ANKDD1A: variants seen among roughly 807,000 people sequenced by gnomAD.
ANKDD1A encodes ankyrin repeat and death domain containing 1A.
A neutral mutation model predicts 63.5 loss-of-function variants in ANKDD1A; 59 were observed. That is an observed-to-expected ratio of 0.93 (90% confidence interval 0.75 to 1.15). The LOEUF is 1.15. ANKDD1A is among the 50% of genes most tolerant of loss of function. The pLI is 0.00. For synonymous variants in ANKDD1A, 266 were observed against 263.9 expected (o/e 1.01, Z -0.08); for missense variants, 632 against 656.4 (o/e 0.96, Z 0.41).
chr15:64,926,145 ATG>A lies in ANKDD1A; in HGVS notation c.449_450del (p.Val150GlyfsTer18). On this transcript the variant is annotated frameshift_variant, in exon 5 of 15. Transcript: ENST00000319580. LOFTEE classifies it high-confidence loss of function. ...GCGTTCATAATGGAGGACCTGGAGG[ATG>A]TGGCCCTGGACCACGTAGACAAGGT... 1 of 1,613,942 alleles carries A rather than the reference ATG, an allele frequency of 6.2e-7. No homozygotes were observed. The highest frequency in any genetic ancestry group is 8.5e-7 in the Non-Finnish European group (1 of 1,179,946).
In ANKDD1A at chr15:64,950,597, C is replaced by T. The variant is rs570818992; in HGVS notation, c.1483+625C>T. 3 of 985,402 alleles carry T rather than the reference C, an allele frequency of 3.0e-6. 1 individual carries two copies. The South Asian group carries it at 1.4e-4, about 46-fold the overall frequency. 61.0% of individuals were successfully genotyped at this position (985,402 alleles called of 1,614,324 possible). A position where few individuals can be genotyped will look rare whatever the true frequency, so the allele number is the denominator to read the frequency against. ...ATAATGGGGCAACCACAGAATGGGGCACTAGGCAGCCACTGATAGTTGTGA... is the reference window on the plus strand; with the variant it reads ...ATAATGGGGCAACCACAGAATGGGGTACTAGGCAGCCACTGATAGTTGTGA... On this transcript the variant is annotated intron_variant, in intron 14 of 14. Coordinates refer to ENST00000319580, the MANE Select transcript of ANKDD1A (RefSeq NM_182703.6).
chr15:64,923,177 T>C (rs1023114170), intron 4 of ANKDD1A, among the ~76,000 whole-genome samples: 1 of 151,986 alleles, frequency 6.6e-6, no homozygotes, highest in African/African-American at 2.4e-5. Flanking sequence ...TAGGAATTTG[T>C]TGGGTGTGAT....
chr15:64,955,677 G>A (rs971185575), intron 14 of ANKDD1A, among the ~76,000 whole-genome samples: 6 of 152,184 alleles, frequency 3.9e-5, no homozygotes, highest in Admixed American at 6.5e-5. Context: ...GCGTTTAGGA[G>A]CCTACATTTT....
chr15:64,949,405 TCTGA>T (rs1236356402), intron 13 of ANKDD1A, among the ~76,000 whole-genome samples: 3 of 152,316 alleles, frequency 2.0e-5, no homozygotes, highest in Middle Eastern at 3.4e-3. Flanking sequence ...CAGCTCCATC[TCTGA>T]CTAAGCTGTA....
intron 14 of ANKDD1A, chr15:64,950,730 C>CGGGGG (rs1847041021): frequency 8.4e-5 from 1 of 11,864 alleles, no homozygotes; most frequent in Non-Finnish European, 1.0e-4. Context: ...GAAAGGACCG[C>CGGGGG]CCCCCCCCCC....
chr15:64,931,781 T>A lies in ANKDD1A; in HGVS notation c.768+196T>A, dbSNP rs1236508129. Reference sequence around the variant, plus strand: ...TTACTTAACCTCTCTGAGCCTTGTTTCCCAACTATAAAGTGCAGTGACATT... The same window carrying A: ...TTACTTAACCTCTCTGAGCCTTGTTACCCAACTATAAAGTGCAGTGACATT... On this transcript the variant is annotated intron_variant, in intron 8 of 14. Coordinates refer to ENST00000319580, the MANE Select transcript of ANKDD1A (RefSeq NM_182703.6). 4 of 620,150 alleles carry A rather than the reference T, an allele frequency of 6.5e-6. No individual in the cohort carries two copies. In the African/African-American group the frequency reaches 7.3e-5, roughly 11 times the overall value. 38.4% of individuals were successfully genotyped at this position (620,150 alleles called of 1,614,324 possible). A position where few individuals can be genotyped will look rare whatever the true frequency, so the allele number is the denominator to read the frequency against.
intron 7 of ANKDD1A, 29 bp from the exon 8 acceptor site, chr15:64,931,458 A>T (rs2085090336): frequency 6.2e-7 from 1 of 1,603,676 alleles, no homozygotes. Context: ...CCTCCCCACC[A>T]TCCTCATTGC....
In ANKDD1A at chr15:64,926,079, T is replaced by C. The variant is rs777353678; in HGVS notation, c.380T>C (p.Leu127Ser). The stretch of plus-strand genomic sequence containing the variant: ...ACTTGTTTCCAGGATGGCCTGACCT[T>C]ACTGCACTGCGCAGCCCAAAAAGGC... Reference protein sequence around the residue: ...IHCESKDGLTLLHCAAQKGHV... With the variant: ...IHCESKDGLTSLHCAAQKGHV... The change falls in exon 5 of 15, where the codon TTA becomes TCA. Residue 127 changes from leucine to serine, a missense_variant. Coordinates refer to ENST00000319580, the MANE Select transcript of ANKDD1A (RefSeq NM_182703.6). 1 of 1,613,630 alleles carries C rather than the reference T, an allele frequency of 6.2e-7. No homozygotes were observed. The highest frequency in any genetic ancestry group is 1.1e-5 in the South Asian group (1 of 90,940).
At chr15:64,946,501 C>A (rs1317978785) in intron 12 of ANKDD1A, among the ~76,000 whole-genome samples, 1 of 152,124 alleles carries the variant, frequency 6.6e-6, no homozygotes, top group African/African-American at 2.4e-5. Flanking sequence ...TTGGACTAGC[C>A]GATTCATCTC....
chr15:64,953,251 TTTC>T (rs769019150), intron 14 of ANKDD1A, among the ~76,000 whole-genome samples: 142 of 145,630 alleles, frequency 9.8e-4, no homozygotes, highest in African/African-American at 1.9e-3. Flanking sequence ...TTTCCTCCTC[TTTC>T]TTCTTCTTAG....
intron 2 of ANKDD1A, among the ~76,000 whole-genome samples, chr15:64,916,868 T>C (rs2084971473): frequency 6.6e-6 from 1 of 152,080 alleles, no homozygotes. Context: ...TGGATAACGT[T>C]ATGAACTGCC....
Position 64,911,909 on chromosome 15 carries a change from G to A in ANKDD1A, c.-22G>A. ...GCCTCGCGCCCGGGCACCAGCGCGC[G>A]CAGGGGCTGCGGAGCGGCAGGATGC... On this transcript the variant is annotated 5_prime_UTR_variant, in exon 1 of 15. Transcript: ENST00000319580. 2 of 1,247,406 alleles carry A rather than the reference G, an allele frequency of 1.6e-6. No homozygotes were observed. 77.3% of individuals were successfully genotyped at this position (1,247,406 alleles called of 1,614,324 possible).
Position 64,925,934 on chromosome 15 carries a change from C to G in ANKDD1A, c.367-132C>G, listed in dbSNP as rs541909580. On this transcript the variant is annotated intron_variant, in intron 4 of 14. Transcript: ENST00000319580. ...GAGTGGGTTATCCCTCGGGTCCATT[C>G]ATCATTTACAGTGTTGTATCCATGG... The G allele has an allele frequency of 6.3e-5, 48 of 760,082 alleles. No individual in the cohort carries two copies. The African/African-American group carries it at 6.5e-4, about 10-fold the overall frequency. 47.1% of individuals were successfully genotyped at this position (760,082 alleles called of 1,614,324 possible).
chr15:64,941,864 G>A (rs999525852), intron 9 of ANKDD1A, among the ~76,000 whole-genome samples: 1 of 152,028 alleles, frequency 6.6e-6, no homozygotes, highest in African/African-American at 2.4e-5. Context: ...ATCTTTTCTG[G>A]TCCCAGCTGG....
At chr15:64,930,217 C>G (rs1468068536) in intron 6 of ANKDD1A, among the ~76,000 whole-genome samples, 2 of 151,126 alleles carry the variant, frequency 1.3e-5, no homozygotes, top group African/African-American at 4.9e-5. Flanking sequence ...ATGTAACAAA[C>G]CTGCACATTC....
At chr15:64,956,842 G>A (rs929237182) in intron 14 of ANKDD1A, among the ~76,000 whole-genome samples, 10 of 151,988 alleles carry the variant, frequency 6.6e-5, no homozygotes, top group African/African-American at 1.9e-4. Flanking sequence ...CATGAGCCAC[G>A]GAGCCCAGCC....
chr15:64,956,553 A>T (rs1422121073), intron 14 of ANKDD1A, among the ~76,000 whole-genome samples: 1 of 151,498 alleles, frequency 6.6e-6, no homozygotes, highest in African/African-American at 2.4e-5. Flanking sequence ...ACTCTGTCTC[A>T]AAACAAACAA....
At chr15:64,918,502 T>TA (rs143031235) in intron 3 of ANKDD1A, among the ~76,000 whole-genome samples, 3,745 of 152,172 alleles carry the variant, frequency 0.025, 146 homozygotes, top group African/African-American at 0.087. Context: ...CTAGGATCCT[T>TA]AGCCTGAGCT....
chr15:64,938,682 T>G (rs2085155418), intron 9 of ANKDD1A, among the ~76,000 whole-genome samples: 1 of 152,224 alleles, frequency 6.6e-6, no homozygotes, highest in African/African-American at 2.4e-5. Context: ...CCAGACGCAG[T>G]GGCTCATGCC....
Sources: allele counts gnomAD v4.1 joint callset (sites outside exome capture counted in the v4.1 genomes callset), GRCh38; gene constraint gnomAD v4.1.1; transcripts MANE v1.5; gene names NCBI Gene and HGNC (gene_info 2026-07-23, HGNC 2026-07-21).